NRXN1: variants seen among roughly 807,000 people sequenced by gnomAD.
NRXN1 encodes neurexin 1, also known as neurexin-1.
A neutral mutation model predicts 150.9 loss-of-function variants in NRXN1; 39 were observed. That is an observed-to-expected ratio of 0.26 (90% CI 0.20 to 0.34). The LOEUF (loss-of-function observed/expected upper bound fraction) is 0.34. Among genes scored for constraint, NRXN1 ranks in the 10% least tolerant of loss-of-function variants. NRXN1 has a pLI of 1.00. For synonymous variants in NRXN1, 924 were observed against 757.0 expected (o/e 1.22, Z -3.62); for missense variants, 1,815 against 1,949.9 (o/e 0.93, Z 1.30).
At chr2:50,603,100 A>G (rs766304789) in intron 8 of NRXN1, among the ~76,000 whole-genome samples, 4 of 152,218 alleles carry the variant, frequency 2.6e-5, no homozygotes, top group Non-Finnish European at 5.9e-5. Context: ...CAATTATTTA[A>G]AAATGGACTA....
intron 2 of NRXN1, among the ~76,000 whole-genome samples, chr2:50,960,104 A>T (rs1692908178): frequency 6.6e-6 from 1 of 151,948 alleles, no homozygotes; most frequent in Non-Finnish European, 1.5e-5. Flanking sequence ...CTTTCTCTTA[A>T]GTTGTATGAA....
chr2:49,933,236 G>A (rs1008690650), intron 22 of NRXN1, among the ~76,000 whole-genome samples: 13 of 151,976 alleles, frequency 8.6e-5, no homozygotes, highest in Admixed American at 7.2e-4. Context: ...ACACGCACCT[G>A]CCACCACGCC....
At chr2:50,691,718 G>A (rs542246799) in intron 5 of NRXN1, among the ~76,000 whole-genome samples, 41 of 152,110 alleles carry the variant, frequency 2.7e-4, no homozygotes, top group African/African-American at 9.2e-4. Context: ...TCTTGCCCTC[G>A]CCACATATCA....
At chr2:50,000,210 A>G (rs1683674421) in intron 21 of NRXN1, among the ~76,000 whole-genome samples, 1 of 152,224 alleles carries the variant, frequency 6.6e-6, no homozygotes, top group South Asian at 2.1e-4. Flanking sequence ...GGCAAACACA[A>G]AAGTCAATTT....
chr2:50,945,000 A>G (rs1690104103), intron 2 of NRXN1, among the ~76,000 whole-genome samples: 1 of 152,198 alleles, frequency 6.6e-6, no homozygotes, highest in African/African-American at 2.4e-5. Flanking sequence ...AGACTGATGT[A>G]AACAGCATTC....
intron 17 of NRXN1, among the ~76,000 whole-genome samples, chr2:50,272,075 G>T (rs532888076): frequency 6.6e-6 from 1 of 152,266 alleles, no homozygotes; most frequent in East Asian, 1.9e-4. Context: ...TGGGTGTGAG[G>T]ACAAATTGCA....
chr2:50,324,213 C>T (rs932485006), intron 17 of NRXN1, among the ~76,000 whole-genome samples: 2 of 152,070 alleles, frequency 1.3e-5, no homozygotes, highest in African/African-American at 4.8e-5. Context: ...GAGGTCAGAG[C>T]GACCTAAACC....
Position 50,940,797 on chromosome 2 carries a change from T to G in NRXN1, c.773-14842A>C, listed in dbSNP as rs558000958. ...TATTAAAATACAAGGGGAAAAATAA[T>G]CAAAAGTAGCCAATTAACCAATAAC... is the stretch of plus-strand genomic sequence containing the variant. On this transcript the variant is annotated intron_variant, in intron 2 of 22. Transcript: ENST00000401669. 3.3e-5 allele frequency among the ~76,000 whole-genome samples: 5 copies of G among 152,188 alleles called. No individual in the cohort carries two copies. The East Asian group carries it at 9.7e-4, about 29-fold the overall frequency.
intron 5 of NRXN1, among the ~76,000 whole-genome samples, chr2:50,893,092 G>A (rs1019740502): frequency 1.3e-5 from 2 of 152,136 alleles, no homozygotes; most frequent in Non-Finnish European, 1.5e-5. Context: ...ACTGTGGCTT[G>A]AGGCCTGTCA....
In NRXN1 at chr2:50,931,308, T is replaced by C. The variant is rs1574965081; in HGVS notation, c.773-5353A>G. Among the ~76,000 whole-genome samples the C allele has an allele frequency of 3.3e-5, 5 of 152,224 alleles. No homozygotes were observed. The East Asian group carries it at 9.7e-4, about 29-fold the overall frequency. ...CTTTATTATTCTATACCTGGGTTCT[T>C]AGACATGTCCAAAACAAATCTATTT... On this transcript the variant is annotated intron_variant, in intron 2 of 22. Transcript: ENST00000401669.
chr2:50,991,295 T>C (rs1449799643), intron 2 of NRXN1, among the ~76,000 whole-genome samples: 2 of 152,044 alleles, frequency 1.3e-5, no homozygotes, highest in Non-Finnish European at 2.9e-5. Context: ...ATGTTCTTTG[T>C]GGTCTTCCAT....
At chr2:50,689,839 T>C (rs998815264) in intron 5 of NRXN1, among the ~76,000 whole-genome samples, 3 of 149,716 alleles carry the variant, frequency 2.0e-5, no homozygotes, top group African/African-American at 7.4e-5. Context: ...CATCAGCTTG[T>C]TTTTTTTTGC....
intron 22 of NRXN1, among the ~76,000 whole-genome samples, chr2:49,928,600 A>T (rs1334077695): frequency 6.6e-6 from 1 of 152,130 alleles, no homozygotes; most frequent in East Asian, 1.9e-4. Context: ...AATTGAGATT[A>T]GCACACTTTT....
At chr2:50,136,109 A>C (rs2152753287) in intron 18 of NRXN1, among the ~76,000 whole-genome samples, 1 of 152,300 alleles carries the variant, frequency 6.6e-6, no homozygotes, top group East Asian at 1.9e-4. Context: ...CAAAGGAATA[A>C]ATGGTTGGAA....
At chr2:50,399,560 A>G (rs1298082245) in intron 17 of NRXN1, among the ~76,000 whole-genome samples, 2 of 151,824 alleles carry the variant, frequency 1.3e-5, no homozygotes, top group Non-Finnish European at 2.9e-5. Flanking sequence ...TGCTCTTTCA[A>G]GGGCTCTAAT....
At chr2:50,572,026 A>C (rs908895723) in intron 8 of NRXN1, among the ~76,000 whole-genome samples, 5 of 152,164 alleles carry the variant, frequency 3.3e-5, no homozygotes, top group African/African-American at 1.2e-4. Flanking sequence ...GTAATTGCAG[A>C]AGGGAGTTAT....
In NRXN1 at chr2:50,544,624, G is replaced by C. The variant is rs377038672; in HGVS notation, c.1760-5988C>G. ...TGTCTGGTATTGGCAAGAATAAGGG[G>C]GAAAGGGCACTTCAATAACTGTAGA... On this transcript the variant is annotated intron_variant, in intron 9 of 22. Coordinates refer to ENST00000401669, the MANE Select transcript of NRXN1 (RefSeq NM_001330078.2). Among the ~76,000 whole-genome samples the C allele has an allele frequency of 3.3e-5, 5 of 152,118 alleles. No homozygotes were observed. The East Asian group carries it at 7.7e-4, about 24-fold the overall frequency.
intron 21 of NRXN1, among the ~76,000 whole-genome samples, chr2:49,958,273 A>C (rs1016276669): frequency 6.6e-6 from 1 of 152,150 alleles, no homozygotes; most frequent in African/African-American, 2.4e-5. Flanking sequence ...GATATTGCCT[A>C]ATGACCTCTT....
chr2:49,925,607 A>G (rs137920737), intron 22 of NRXN1, among the ~76,000 whole-genome samples: 1 of 152,320 alleles, frequency 6.6e-6, no homozygotes, highest in African/African-American at 2.4e-5. Context: ...ATTAATTTGT[A>G]TATTTCATGG....
Sources: gnomAD v4.1 joint callset for allele counts (sites outside exome capture counted in the v4.1 genomes callset) on GRCh38, gnomAD v4.1.1 for gene constraint, MANE v1.5 for transcripts, NCBI Gene and HGNC (gene_info 2026-07-23, HGNC 2026-07-21) for gene names.